The following PARP8 variants were observed in gnomAD, a reference collection of about 807,000 sequenced individuals.
The protein encoded by PARP8 is protein mono-ADP-ribosyltransferase PARP8.
PARP8 carries 51 observed loss-of-function variants against 124.1 expected under a neutral mutation model. The observed-to-expected ratio is 0.41, with a 90% CI of 0.33 to 0.52. The LOEUF is 0.52. PARP8 is among the 20% of genes least tolerant of loss of function. The pLI is 0.21. For missense variants in PARP8, 860 were observed against 1,018.9 expected, an observed-to-expected ratio of 0.84 and a Z score of 2.12; for synonymous variants, 391 against 361.5, an observed-to-expected ratio of 1.08 and a Z score of -0.93.
intron 2 of PARP8, among the ~76,000 whole-genome samples, chr5:50,700,045 A>C (rs1164078011): frequency 1.3e-5 from 2 of 152,182 alleles, no homozygotes; most frequent in African/African-American, 4.8e-5. Context: ...CATTTTTAAA[A>C]GTCCAAATAT....
intron 15 of PARP8, among the ~76,000 whole-genome samples, chr5:50,816,182 G>A (rs917746283): frequency 1.3e-5 from 2 of 152,022 alleles, no homozygotes; most frequent in African/African-American, 4.8e-5. Flanking sequence ...CAGATCAATG[G>A]CAGATTATCC....
At chr5:50,818,677 C>A (rs115662781) in intron 15 of PARP8, among the ~76,000 whole-genome samples, 5 of 151,400 alleles carry the variant, frequency 3.3e-5, no homozygotes, top group Admixed American at 2.6e-4. Context: ...CCACACCCAG[C>A]CTTTTATTTT....
intron 11 of PARP8, among the ~76,000 whole-genome samples, 171 bp downstream of exon 11, chr5:50,794,503 G>A (rs1192050006): frequency 6.6e-6 from 1 of 152,130 alleles, no homozygotes; most frequent in African/African-American, 2.4e-5. Context: ...TCTATGTTTA[G>A]AGTTTTTATT....
intron 22 of PARP8, among the ~76,000 whole-genome samples, chr5:50,832,445 C>A (rs1285267998): frequency 6.6e-6 from 1 of 152,118 alleles, no homozygotes; most frequent in African/African-American, 2.4e-5. Flanking sequence ...ACATTTCCCA[C>A]CCTTTATTTT....
Position 50,814,280 on chromosome 5 carries a change from T to C in PARP8, c.1576-1152T>C, listed in dbSNP as rs1165207001. ...ATTTAGGGTAAAGCATATAAACATATAGATACACAAAAAAATTGGAGAAGA... is the reference window on the plus strand; with the variant it reads ...ATTTAGGGTAAAGCATATAAACATACAGATACACAAAAAAATTGGAGAAGA... On this transcript the variant is annotated intron_variant, in intron 14 of 25. Transcript: ENST00000281631. Among the ~76,000 whole-genome samples, 6 of 152,122 alleles carry C rather than the reference T, an allele frequency of 3.9e-5. No homozygotes were observed. The East Asian group carries it at 7.7e-4, about 20-fold the overall frequency.
chr5:50,764,861 CTTTAAT>C (rs1422378332), intron 7 of PARP8, among the ~76,000 whole-genome samples: 6 of 148,870 alleles, frequency 4.0e-5, no homozygotes, highest in Non-Finnish European at 8.9e-5. Flanking sequence ...AAGCTTAAAA[CTTTAAT>C]TTTAAGCACA....
At chr5:50,720,946 A>G (rs1316537138) in intron 2 of PARP8, among the ~76,000 whole-genome samples, 1 of 151,698 alleles carries the variant, frequency 6.6e-6, no homozygotes, top group African/African-American at 2.4e-5. Flanking sequence ...TTCCTGGGAA[A>G]CCTTCAGCTT....
In PARP8 at chr5:50,842,734, T is replaced by C. The variant is rs1748302133; in HGVS notation, c.*666T>C. On this transcript the variant is annotated 3_prime_UTR_variant, in exon 26 of 26. Coordinates refer to ENST00000281631, the MANE Select transcript of PARP8 (RefSeq NM_024615.4). ...TTAGCTTCACAATTCTATCCTCGTT[T>C]AATGGAAAGAAGATAATATTTAGTA... 1 of 151,736 alleles carries C rather than the reference T, an allele frequency of 6.6e-6. No individual in the cohort carries two copies. Among genetic ancestry groups the C allele is most frequent in the African/African-American group, 2.4e-5 (1 of 41,394 alleles). The allele number at this position is 151,736 out of a possible 1,614,324, so 9.4% of individuals were successfully genotyped here.
intron 2 of PARP8, among the ~76,000 whole-genome samples, chr5:50,712,327 T>A (rs1475136344): frequency 6.6e-6 from 1 of 152,162 alleles, no homozygotes; most frequent in Non-Finnish European, 1.5e-5. Context: ...ACAATAAATA[T>A]GTACAGTTTT....
Position 50,843,436 on chromosome 5 carries a change from C to G in PARP8, c.*1368C>G, listed in dbSNP as rs1171923332. ...ATGTGATAACTGCTGTGTTTATTTC[C>G]TTTGTCTGGCATAAAAGGTGAGAAA... On this transcript the variant is annotated 3_prime_UTR_variant, in exon 26 of 26. Coordinates refer to ENST00000281631, the MANE Select transcript of PARP8 (RefSeq NM_024615.4). The G allele has an allele frequency of 6.6e-6, 1 of 151,622 alleles. No individual in the cohort carries two copies. Among genetic ancestry groups the G allele is most frequent in the African/African-American group, 2.4e-5 (1 of 41,322 alleles). 9.4% of individuals were successfully genotyped at this position (151,622 alleles called of 1,614,324 possible). A position where few individuals can be genotyped will look rare whatever the true frequency, so the allele number is the denominator to read the frequency against.
At chr5:50,763,803 G>GA (rs1760793867) in intron 7 of PARP8, among the ~76,000 whole-genome samples, 2 of 152,036 alleles carry the variant, frequency 1.3e-5, no homozygotes, top group Non-Finnish European at 2.9e-5. Context: ...CTTAATGTAA[G>GA]AAAAAGCTTT....
At chr5:50,678,745 C>T (rs1203335251) in intron 2 of PARP8, among the ~76,000 whole-genome samples, 1 of 152,140 alleles carries the variant, frequency 6.6e-6, no homozygotes, top group Non-Finnish European at 1.5e-5. Flanking sequence ...AAGGACCAGT[C>T]CTAAAGGCAG....
At chr5:50,746,834 C>G (rs1758591128) in intron 2 of PARP8, among the ~76,000 whole-genome samples, 1 of 152,044 alleles carries the variant, frequency 6.6e-6, no homozygotes, top group South Asian at 2.1e-4. Flanking sequence ...TGAGATCAGC[C>G]TGGGCAATAT....
Position 50,821,299 on chromosome 5 carries a change from A to G in PARP8, c.1755A>G (p.Val585=), listed in dbSNP as rs1561430964. The change falls in exon 16 of 26, where the codon GTA becomes GTG. Residue 585 remains valine (V), a synonymous_variant. Coordinates refer to ENST00000281631, the MANE Select transcript of PARP8 (RefSeq NM_024615.4). The stretch of plus-strand genomic sequence containing the variant: ...TTTTCGAGCCATATCCTTCTGTGGT[A>G]GATCCTAATGATCCTCAGATGTTGG... ...VVIFEPYPSV[V]DPNDPQMLAF... The G allele has an allele frequency of 1.2e-6, 2 of 1,614,058 alleles. No homozygotes were observed. The highest frequency in any genetic ancestry group is 4.5e-5 in the East Asian group (2 of 44,870).
At chr5:50,813,388 CT>C (rs929262724) in intron 14 of PARP8, among the ~76,000 whole-genome samples, 2 of 130,636 alleles carry the variant, frequency 1.5e-5, no homozygotes, top group Non-Finnish European at 3.6e-5. Context: ...ATTTGGCTCT[CT>C]GTTTGTCTGT....
Position 50,703,667 on chromosome 5 carries a change from C to T in PARP8, c.146+35542C>T, listed in dbSNP as rs181834130. On this transcript the variant is annotated intron_variant, in intron 2 of 25. Transcript: ENST00000281631. ...CTACTGTTTTAATAAAACCCACTTT[C>T]CAGGCTCTTCAGTTGTATAATGGTC... Among the ~76,000 whole-genome samples, 3 of 152,240 alleles carry T rather than the reference C, an allele frequency of 2.0e-5. No homozygotes were observed. The East Asian group carries it at 5.8e-4, about 29-fold the overall frequency.
intron 2 of PARP8, among the ~76,000 whole-genome samples, chr5:50,712,181 A>G (rs188375346): frequency 6.6e-6 from 1 of 152,310 alleles, no homozygotes; most frequent in Admixed American, 6.5e-5. Context: ...GTCCAAAATA[A>G]TAAGAACAGC....
Position 50,796,499 on chromosome 5 carries a change from T to A in PARP8, c.1429-483T>A, listed in dbSNP as rs142459236. ...CCATGTTAGCTTCATCCAAGAAAGA[T>A]CATTTCAGACATTCTGTAAAAGAAA... is the stretch of plus-strand genomic sequence containing the variant. On this transcript the variant is annotated intron_variant, in intron 12 of 25. Transcript: ENST00000281631. Among the ~76,000 whole-genome samples the A allele has an allele frequency of 1.7e-3, 264 of 152,304 alleles. 1 individual carries two copies. The highest frequency in any genetic ancestry group is 6.0e-3 in the African/African-American group (250 of 41,574).
intron 2 of PARP8, among the ~76,000 whole-genome samples, chr5:50,741,564 G>A (rs950286978): frequency 1.6e-4 from 24 of 152,252 alleles, no homozygotes; most frequent in Admixed American, 2.6e-4. Flanking sequence ...ATATTTAAGC[G>A]TAGAAGTTGC....
Sources: allele counts gnomAD v4.1 joint callset (sites outside exome capture counted in the v4.1 genomes callset), GRCh38; gene constraint gnomAD v4.1.1; transcripts MANE v1.5; gene names NCBI Gene and HGNC (gene_info 2026-07-23, HGNC 2026-07-21).